FOXO1: variants seen among roughly 807,000 people sequenced by gnomAD.
The protein encoded by FOXO1 is forkhead box O1, also known as forkhead box protein O1.
A neutral mutation model predicts 44.1 loss-of-function variants in FOXO1; 6 were observed. The ratio of observed to expected loss-of-function variants is 0.14; its 90% CI spans 0.07 to 0.27. FOXO1 has a LOEUF of 0.27. Among genes scored for constraint, FOXO1 ranks in the 10% least tolerant of loss-of-function variants. The pLI is 1.00. For synonymous variants in FOXO1, 380 were observed against 362.7 expected (o/e 1.05, Z -0.54); for missense variants, 737 against 888.8 (o/e 0.83, Z 2.17).
intron 1 of FOXO1, among the ~76,000 whole-genome samples, chr13:40,574,674 G>C (rs1874675233): frequency 6.6e-6 from 1 of 151,932 alleles, no homozygotes; most frequent in African/African-American, 2.4e-5. Flanking sequence ...TGTAGTCTCT[G>C]GTATTTCAAT....
chr13:40,625,609 T>C (rs894715517), intron 1 of FOXO1, among the ~76,000 whole-genome samples: 1 of 152,158 alleles, frequency 6.6e-6, no homozygotes, highest in African/African-American at 2.4e-5. Context: ...GCTCTGCCTT[T>C]GGAGTAGTCA....
intron 1 of FOXO1, among the ~76,000 whole-genome samples, chr13:40,566,374 C>G (rs1395633934): frequency 6.7e-6 from 1 of 149,490 alleles, no homozygotes; most frequent in Non-Finnish European, 1.5e-5. Context: ...CTTTCATTGA[C>G]TTTCATTTTT....
At chr13:40,630,871 G>A (rs868504652) in intron 1 of FOXO1, among the ~76,000 whole-genome samples, 5 of 152,068 alleles carry the variant, frequency 3.3e-5, no homozygotes, top group South Asian at 4.1e-4. Flanking sequence ...CAAGATTCCC[G>A]CAGGGCACCA....
chr13:40,649,438 T>A (rs901127732), intron 1 of FOXO1, among the ~76,000 whole-genome samples: 1 of 152,156 alleles, frequency 6.6e-6, no homozygotes, highest in Non-Finnish European at 1.5e-5. Context: ...ATGACTTCTG[T>A]GGATGAAAGT....
intron 1 of FOXO1, among the ~76,000 whole-genome samples, chr13:40,568,506 A>G (rs1874355879): frequency 6.6e-6 from 1 of 152,180 alleles, no homozygotes; most frequent in East Asian, 1.9e-4. Flanking sequence ...TTTAAAAATA[A>G]TCCATTTTGT....
At chr13:40,581,015 T>C (rs1874936488) in intron 1 of FOXO1, among the ~76,000 whole-genome samples, 1 of 152,164 alleles carries the variant, frequency 6.6e-6, no homozygotes, top group Non-Finnish European at 1.5e-5. Context: ...GCAACAACAT[T>C]GGAAAGCCTG....
At chr13:40,596,672 T>C (rs1875588842) in intron 1 of FOXO1, among the ~76,000 whole-genome samples, 1 of 152,236 alleles carries the variant, frequency 6.6e-6, no homozygotes, top group Non-Finnish European at 1.5e-5. Context: ...GCCATCCTTC[T>C]GCAACTGTCT....
chr13:40,636,352 T>A (rs1877150971), intron 1 of FOXO1, among the ~76,000 whole-genome samples: 2 of 152,156 alleles, frequency 1.3e-5, no homozygotes, highest in African/African-American at 4.8e-5. Context: ...TGATGATACT[T>A]ACACCATGAA....
intron 1 of FOXO1, among the ~76,000 whole-genome samples, chr13:40,590,991 C>CAATGCTCA (rs764676460): frequency 1.3e-5 from 2 of 152,042 alleles, no homozygotes; most frequent in Non-Finnish European, 2.9e-5. Flanking sequence ...AAGAAAAACA[C>CAATGCTCA]AATGCTCAGG....
rs563772841 is a variant in FOXO1 at position 40,558,274 on chromosome 13, G to A, written c.*775C>T. ...ACAGTTCAATATCTATTCCAAAAAT[G>A]TTCTTAAGTCCCAACAATAACATCA... On this transcript the variant is annotated 3_prime_UTR_variant, in exon 3 of 3. Transcript: ENST00000379561. 6.6e-6 allele frequency: 1 copy of A among 152,604 alleles called. No individual in the cohort carries two copies. The highest frequency in any genetic ancestry group is 3.4e-3 in the Middle Eastern group (1 of 294). 9.5% of individuals were successfully genotyped at this position (152,604 alleles called of 1,614,324 possible).
intron 1 of FOXO1, chr13:40,619,954 A>C: frequency 1.5e-6 from 1 of 679,418 alleles, no homozygotes; most frequent in Non-Finnish European, 2.7e-6. Context: ...AATAAGATCT[A>C]CTATAAGTAG....
intron 1 of FOXO1, among the ~76,000 whole-genome samples, chr13:40,583,534 G>T (rs181955314): frequency 9.5e-4 from 144 of 152,242 alleles, no homozygotes; most frequent in African/African-American, 3.3e-3. Context: ...ACATCTTCTG[G>T]ATAACTTGCT....
intron 1 of FOXO1, among the ~76,000 whole-genome samples, chr13:40,634,775 G>A (rs1211100937): frequency 6.6e-6 from 1 of 152,086 alleles, no homozygotes; most frequent in African/African-American, 2.4e-5. Flanking sequence ...CACCTCCTGG[G>A]CTCAAGCAAT....
intron 1 of FOXO1, among the ~76,000 whole-genome samples, chr13:40,589,095 G>T (rs1380596611): frequency 6.6e-6 from 1 of 152,048 alleles, no homozygotes; most frequent in Non-Finnish European, 1.5e-5. Flanking sequence ...GACAGAGCGA[G>T]ACTCTGTCTA....
chr13:40,639,480 T>C lies in FOXO1; in HGVS notation c.630+26103A>G, dbSNP rs1490418736. On this transcript the variant is annotated intron_variant, in intron 1 of 2. Coordinates refer to ENST00000379561, the MANE Select transcript of FOXO1 (RefSeq NM_002015.4). ...GAATTCTCTCAGTTTTTTATTCCAA[T>C]AGTTCAAAATCACTCACTAAGCAAC... is the stretch of plus-strand genomic sequence containing the variant. 4.6e-5 allele frequency among the ~76,000 whole-genome samples: 7 copies of C among 152,370 alleles called. No individual in the cohort carries two copies. In the South Asian group the frequency reaches 1.0e-3, roughly 23 times the overall value.
intron 1 of FOXO1, 25 bp downstream of exon 1, chr13:40,665,558 C>A (rs772067395): frequency 3.7e-6 from 5 of 1,361,928 alleles, no homozygotes; most frequent in African/African-American, 1.5e-5. Context: ...CCCCCAAGGT[C>A]CGGCCGCGCG....
At chr13:40,591,376 A>T (rs1484258310) in intron 1 of FOXO1, among the ~76,000 whole-genome samples, 1 of 152,172 alleles carries the variant, frequency 6.6e-6, no homozygotes, top group Non-Finnish European at 1.5e-5. Context: ...GGCAAGGCTC[A>T]CAAAGAGAAG....
intron 1 of FOXO1, among the ~76,000 whole-genome samples, chr13:40,625,477 C>A (rs1184722826): frequency 6.6e-6 from 1 of 152,146 alleles, no homozygotes; most frequent in Non-Finnish European, 1.5e-5. Flanking sequence ...ACTGTTAACA[C>A]TGAAGACAGC....
intron 1 of FOXO1, chr13:40,620,173 G>T: frequency 1.9e-6 from 3 of 1,548,072 alleles, no homozygotes; most frequent in Non-Finnish European, 1.8e-6. Context: ...AGTAGAAGAA[G>T]AATCCAGCAG....
Sources: gnomAD v4.1 joint callset for allele counts (sites outside exome capture counted in the v4.1 genomes callset) on GRCh38, gnomAD v4.1.1 for gene constraint, MANE v1.5 for transcripts, NCBI Gene and HGNC (gene_info 2026-07-23, HGNC 2026-07-21) for gene names.